RSPRY1: variants seen among roughly 807,000 people sequenced by gnomAD.
The protein encoded by RSPRY1 is RING finger and SPRY domain-containing protein 1.
Under a neutral mutation model 73.1 loss-of-function variants are expected in RSPRY1, and 23 were observed. The observed-to-expected ratio is 0.31, with a 90% CI of 0.23 to 0.45. The LOEUF (loss-of-function observed/expected upper bound fraction) is 0.45. RSPRY1 is among the 20% of genes least tolerant of loss of function. The pLI, the probability that RSPRY1 is intolerant of heterozygous loss-of-function variation, is 1.00. For synonymous variants in RSPRY1, 226 were observed against 251.4 expected (o/e 0.90, Z 0.95); for missense variants, 448 against 698.7 (o/e 0.64, Z 4.05).
At position 57,213,098 on chromosome 16, in the gene RSPRY1, G is replaced by A; in HGVS notation, c.643G>A (p.Gly215Ser). 6.2e-7 allele frequency: 1 copy of A among 1,611,070 alleles called. No homozygotes were observed. The highest frequency in any genetic ancestry group is 8.5e-7 in the Non-Finnish European group (1 of 1,178,546). The change falls in exon 5 of 15, where the codon GGT becomes AGT. Residue 215 changes from glycine (G) to serine (S), a missense_variant and splice_region_variant. Transcript: ENST00000394420. Reference protein sequence around the residue: ...VLGCLAEKLAGPASIGLLSPG... With the variant: ...VLGCLAEKLASPASIGLLSPG... ...AGGCTGCTTGGCCGAGAAACTAGCA[G>A]GTAACTTTGGGACACTCCACAGTGG...
intron 14 of RSPRY1, among the ~76,000 whole-genome samples, chr16:57,235,864 G>T (rs2075292408): frequency 6.6e-6 from 1 of 152,202 alleles, no homozygotes. Flanking sequence ...GGCTCCACAG[G>T]GGTCCAGAGC....
chr16:57,206,295 A>G (rs549706179), intron 2 of RSPRY1, among the ~76,000 whole-genome samples: 7 of 152,160 alleles, frequency 4.6e-5, no homozygotes, highest in African/African-American at 1.7e-4. Context: ...GATCCCAGCT[A>G]CTCAGGATTC....
intron 1 of RSPRY1, among the ~76,000 whole-genome samples, chr16:57,203,342 C>G (rs573624493): frequency 3.9e-5 from 6 of 152,138 alleles, no homozygotes; most frequent in Non-Finnish European, 7.4e-5. Context: ...TAATATTTCT[C>G]TTCTAATTCC....
At chr16:57,189,251 C>G (rs1392638248) in intron 1 of RSPRY1, among the ~76,000 whole-genome samples, 1 of 152,100 alleles carries the variant, frequency 6.6e-6, no homozygotes, top group Non-Finnish European at 1.5e-5. Flanking sequence ...CCACCTTGGC[C>G]TCCCAAAGTG....
chr16:57,238,772 C>A lies in RSPRY1; in HGVS notation c.1635-107C>A, dbSNP rs2075338103. ...TTTTTAAACCATGTATAATTAGTAACCCTTTCAATGAACAAACTTGTTAAC... is the reference window on the plus strand; with the variant it reads ...TTTTTAAACCATGTATAATTAGTAAACCTTTCAATGAACAAACTTGTTAAC... On this transcript the variant is annotated intron_variant, in intron 14 of 14. Transcript: ENST00000394420. The A allele has an allele frequency of 1.0e-5, 6 of 575,980 alleles. No homozygotes were observed. In the East Asian group the frequency reaches 1.2e-4, roughly 11 times the overall value. 35.7% of individuals were successfully genotyped at this position (575,980 alleles called of 1,614,324 possible). A position where few individuals can be genotyped will look rare whatever the true frequency, so the allele number is the denominator to read the frequency against.
At chr16:57,227,849 C>T (rs564172026) in intron 11 of RSPRY1, among the ~76,000 whole-genome samples, 18 of 152,220 alleles carry the variant, frequency 1.2e-4, no homozygotes, top group East Asian at 9.7e-4. Flanking sequence ...CCAGTGGCCA[C>T]GCTCTAAGGA....
chr16:57,186,174 T>TGGCCAGTCTGCGCCTGGAGGGCG, upstream of RSPRY1: 1 of 985,776 alleles, frequency 1.0e-6, no homozygotes, highest in Non-Finnish European at 1.2e-6. Flanking sequence ...GGATGAGGAC[T>TGGCCAGTCTGCGCCTGGAGGGCG]GGCCAGTCTG....
intron 1 of RSPRY1, among the ~76,000 whole-genome samples, chr16:57,192,708 CT>C (rs373914013): frequency 3.1e-3 from 377 of 123,586 alleles, no homozygotes; most frequent in Middle Eastern, 7.9e-3. Flanking sequence ...TCCAGAGACT[CT>C]TTTTTTTTTT....
chr16:57,199,895 G>GTTTTTTTTTTTTTTTTTTTTTTTTTTTT (rs61132783), intron 1 of RSPRY1, among the ~76,000 whole-genome samples: 16 of 106,264 alleles, frequency 1.5e-4, no homozygotes, highest in Admixed American at 2.1e-4. Context: ...TTTTTTGTTT[G>GTTTTTTTTTTTTTTTTTTTTTTTTTTTT]TTTTTTTTTT....
Position 57,240,070 on chromosome 16 carries a change from T to G in RSPRY1, c.*1095T>G, listed in dbSNP as rs754106796. 1 of 152,182 alleles carries G rather than the reference T, an allele frequency of 6.6e-6. No individual in the cohort carries two copies. 9.4% of individuals were successfully genotyped at this position (152,182 alleles called of 1,614,324 possible). On this transcript the variant is annotated 3_prime_UTR_variant, in exon 15 of 15. Coordinates refer to ENST00000394420, the MANE Select transcript of RSPRY1 (RefSeq NM_133368.3). ...CTCCCAGGAAATTGGAAGGTAGAAT[T>G]GTAAATTCATAGAACTTCTTTTATA...
At chr16:57,208,254 T>A in intron 3 of RSPRY1, 144 bp downstream of exon 3, 1 of 475,164 alleles carries the variant, frequency 2.1e-6, no homozygotes, top group South Asian at 3.0e-5. Flanking sequence ...AAGCCCTTAC[T>A]GTATGGAAAT....
intron 1 of RSPRY1, among the ~76,000 whole-genome samples, chr16:57,199,895 G>GTTTTTTTTTTTTTTTTTTTTTTT (rs61132783): frequency 1.9e-5 from 2 of 106,250 alleles, no homozygotes; most frequent in Non-Finnish European, 1.9e-5. Context: ...TTTTTTGTTT[G>GTTTTTTTTTTTTTTTTTTTTTTT]TTTTTTTTTT....
In RSPRY1 at chr16:57,221,333, T is replaced by C; in HGVS notation, c.1079T>C (p.Val360Ala). 6.2e-7 allele frequency: 1 copy of C among 1,614,050 alleles called. No individual in the cohort carries two copies. Among genetic ancestry groups the C allele is most frequent in the South Asian group, 1.1e-5 (1 of 91,078 alleles). Residue 360 changes from valine (V) to alanine (A), a missense_variant, in exon 10 of 15, where the codon GTA becomes GCA. Transcript: ENST00000394420. ...VRCTFCVDAG[V>A]WYYEVTVVTS... Reference sequence around the variant, plus strand: ...TGCACCTTTTGTGTGGATGCCGGGGTATGGTACTATGAAGTAACAGTGGTC... The same window carrying C: ...TGCACCTTTTGTGTGGATGCCGGGGCATGGTACTATGAAGTAACAGTGGTC...
At position 57,204,561 on chromosome 16, in the gene RSPRY1, C is replaced by A; in HGVS notation, c.-98C>A. The A allele has an allele frequency of 2.8e-6, 3 of 1,067,788 alleles. No homozygotes were observed. Among genetic ancestry groups the A allele is most frequent in the Non-Finnish European group, 2.8e-6 (2 of 721,614 alleles). The allele number at this position is 1,067,788 out of a possible 1,614,324, so 66.1% of individuals were successfully genotyped here. A position where few individuals can be genotyped will look rare whatever the true frequency, so the allele number is the denominator to read the frequency against. ...TTGATAATGTTGGGAATAAGCTCTG[C>A]AACTTTCTTTGGCATTCAGTTGTTA... On this transcript the variant is annotated 5_prime_UTR_variant, in exon 2 of 15. Coordinates refer to ENST00000394420, the MANE Select transcript of RSPRY1 (RefSeq NM_133368.3).
rs60653561 is a variant in RSPRY1 at position 57,227,371 on chromosome 16, C to T, written c.1191C>T (p.Tyr397=). ...GCTACGGCATTGGGGATGATGAATACTCCTGTGCGTATGATGGCTGCCGGC... is the reference window on the plus strand; with the variant it reads ...GCTACGGCATTGGGGATGATGAATATTCCTGTGCGTATGATGGCTGCCGGC... The part of the protein sequence containing the change: ...HEGYGIGDDE[Y]SCAYDGCRQL... Residue 397 remains tyrosine, a synonymous_variant, in exon 11 of 15, where the codon TAC becomes TAT. Coordinates refer to ENST00000394420, the MANE Select transcript of RSPRY1 (RefSeq NM_133368.3). 1.3e-3 allele frequency: 2,142 copies of T among 1,614,012 alleles called. 22 individuals carry two copies. The African/African-American group carries it at 0.026, about 19-fold the overall frequency.
chr16:57,194,394 G>A (rs1404382494), intron 1 of RSPRY1, among the ~76,000 whole-genome samples: 1 of 152,120 alleles, frequency 6.6e-6, no homozygotes, highest in Admixed American at 6.5e-5. Context: ...TTTTCTGTAT[G>A]TTTGGAAAAT....
intron 1 of RSPRY1, 48 bp downstream of exon 1, chr16:57,186,499 A>G (rs2074185179): frequency 6.5e-6 from 1 of 152,836 alleles, no homozygotes; most frequent in South Asian, 2.0e-4. Context: ...GGGCACGCGG[A>G]ACGGGAGGGA....
intron 14 of RSPRY1, among the ~76,000 whole-genome samples, chr16:57,236,237 G>A (rs981721565): frequency 1.3e-5 from 2 of 152,142 alleles, no homozygotes; most frequent in Non-Finnish European, 2.9e-5. Flanking sequence ...CAAACAGCTG[G>A]ATCTGGTCTT....
At position 57,209,095 on chromosome 16, in the gene RSPRY1, G is replaced by T. The variant is rs867867549; in HGVS notation, c.424G>T (p.Val142Phe). The change falls in exon 4 of 15, where the codon GTC (valine) becomes TTC (phenylalanine). Residue 142 changes from valine to phenylalanine, a missense_variant. Physicochemically the swap from Val to Phe is conservative, Grantham distance 50. Transcript: ENST00000394420. ...CTTAGATGAAGGATGGTTGGATGTT[G>T]TCCAGTCTTTAATTAGAGTTATTCC... ...AETDEGWLDV[V>F]QSLIRVIPLE... 1.2e-6 allele frequency: 2 copies of T among 1,611,434 alleles called. No homozygotes were observed. Among genetic ancestry groups the T allele is most frequent in the Middle Eastern group, 1.7e-4 (1 of 6,050 alleles).
Sources: gnomAD v4.1 joint callset for allele counts (sites outside exome capture counted in the v4.1 genomes callset) on GRCh38, gnomAD v4.1.1 for gene constraint, MANE v1.5 for transcripts, NCBI Gene and HGNC (gene_info 2026-07-23, HGNC 2026-07-21) for gene names.